CSMD1: variants seen among roughly 807,000 people sequenced by gnomAD.
CSMD1 encodes the protein CUB and Sushi multiple domains 1.
Under a neutral mutation model 417.5 loss-of-function variants are expected in CSMD1, and 213 were observed. The ratio of observed to expected loss-of-function variants is 0.51; its 90% CI spans 0.46 to 0.57. The LOEUF is 0.57. Ranked by LOEUF, CSMD1 falls within the 20% of genes least tolerant of loss-of-function variation. The probability of loss-of-function intolerance (pLI) is 0.00; values close to 1 mark genes in which losing one functional copy is unlikely to be tolerated. For missense variants in CSMD1, 6,923 were observed against 4,529.7 expected, an observed-to-expected ratio of 1.53 and a Z score of -15.17; for synonymous variants, 2,862 against 1,736.8, an observed-to-expected ratio of 1.65 and a Z score of -16.11.
intron 3 of CSMD1, among the ~76,000 whole-genome samples, chr8:4,159,643 C>T (rs543118886): frequency 3.6e-4 from 55 of 152,274 alleles, no homozygotes; most frequent in Admixed American, 9.2e-4. Flanking sequence ...GGCTGGAGCA[C>T]AGTGGCGCGA....
intron 18 of CSMD1, among the ~76,000 whole-genome samples, chr8:3,384,821 TTAAA>T (rs1240019241): frequency 4.1e-5 from 5 of 122,368 alleles, no homozygotes; most frequent in East Asian, 2.3e-4. Context: ...AAATATATAA[TTAAA>T]TAAAATAGTA....
intron 2 of CSMD1, among the ~76,000 whole-genome samples, chr8:4,522,785 G>C (rs1203774435): frequency 6.6e-6 from 1 of 152,146 alleles, no homozygotes; most frequent in Non-Finnish European, 1.5e-5. Context: ...TGGTAGCAGT[G>C]ATGTGGCAAG....
chr8:4,750,755 A>G (rs115474244), intron 1 of CSMD1, among the ~76,000 whole-genome samples: 1,418 of 140,530 alleles, frequency 0.01, 30 homozygotes, highest in African/African-American at 0.036. Context: ...CTTCCCAAGG[A>G]AAAAAAAAAA....
intron 10 of CSMD1, among the ~76,000 whole-genome samples, chr8:3,563,641 A>G (rs1432315480): frequency 1.3e-5 from 2 of 152,154 alleles, no homozygotes; most frequent in Non-Finnish European, 1.5e-5. Flanking sequence ...TTGTAATCCC[A>G]GCACTTTGGG....
intron 23 of CSMD1, among the ~76,000 whole-genome samples, chr8:3,315,460 G>GTGTGTT (rs370216684): frequency 0.019 from 2,869 of 151,588 alleles, 31 homozygotes; most frequent in Non-Finnish European, 0.03. Context: ...GTGTGTGTGT[G>GTGTGTT]TGATTTTTAA....
At chr8:2,966,791 G>T in intron 57 of CSMD1, 45 bp from the exon 58 acceptor site, 2 of 1,585,110 alleles carry the variant, frequency 1.3e-6, no homozygotes, top group African/African-American at 1.3e-5. Context: ...GAGTGACCCA[G>T]CATGAAAATG....
At chr8:3,556,415 T>TATACATACATA (rs1799148435) in intron 10 of CSMD1, among the ~76,000 whole-genome samples, 2 of 57,102 alleles carry the variant, frequency 3.5e-5, no homozygotes, top group African/African-American at 1.2e-4. Flanking sequence ...ATATATATAT[T>TATACATACATA]CACACACACA....
chr8:3,087,378 C>A, intron 48 of CSMD1, 93 bp from the exon 49 acceptor site: 1 of 1,294,832 alleles, frequency 7.7e-7, no homozygotes, highest in Non-Finnish European at 1.1e-6. Context: ...TGAATGGCTT[C>A]TCATTTCCAA....
chr8:3,119,397 A>AC (rs1265128555), intron 41 of CSMD1, among the ~76,000 whole-genome samples: 5 of 141,680 alleles, frequency 3.5e-5, no homozygotes, highest in South Asian at 5.5e-4. Context: ...AAAAAAAAAA[A>AC]AAAAAAAAAA....
At chr8:4,123,130 G>A (rs1397485632) in intron 3 of CSMD1, among the ~76,000 whole-genome samples, 1 of 152,182 alleles carries the variant, frequency 6.6e-6, no homozygotes, top group Non-Finnish European at 1.5e-5. Context: ...CACAAAATAG[G>A]AAGATGAAGA....
intron 2 of CSMD1, among the ~76,000 whole-genome samples, chr8:4,469,721 C>A (rs1154073): frequency 1.3e-5 from 2 of 152,072 alleles, no homozygotes; most frequent in Non-Finnish European, 2.9e-5. Context: ...TTGCCCTTGT[C>A]CCTCTACATC....
At position 2,978,601 on chromosome 8, in the gene CSMD1, C is replaced by G. The variant is rs771816168; in HGVS notation, c.8566+11G>C. On this transcript the variant is annotated intron_variant, in intron 55 of 69. Coordinates refer to ENST00000635120, the MANE Select transcript of CSMD1 (RefSeq NM_033225.6). ...GTCTCTGCACAGAAATTGGGAATAA[C>G]CCTGACTTACCCAAACACTTGGGCA... is the stretch of plus-strand genomic sequence containing the variant. The G allele has an allele frequency of 6.4e-7, 1 of 1,570,926 alleles. No homozygotes were observed. The highest frequency in any genetic ancestry group is 8.6e-7 in the Non-Finnish European group (1 of 1,157,720).
At chr8:4,959,509 A>G (rs944542461) in intron 1 of CSMD1, among the ~76,000 whole-genome samples, 44 of 152,234 alleles carry the variant, frequency 2.9e-4, no homozygotes, top group Non-Finnish European at 2.2e-4. Context: ...AAACGTATCC[A>G]GAATCCAACA....
At chr8:3,429,556 C>T (rs765883638) in intron 12 of CSMD1, among the ~76,000 whole-genome samples, 5 of 152,134 alleles carry the variant, frequency 3.3e-5, no homozygotes, top group Non-Finnish European at 5.9e-5. Context: ...CAATATCTTT[C>T]ACTATGAGGT....
intron 3 of CSMD1, among the ~76,000 whole-genome samples, chr8:4,416,122 G>T (rs1410140874): frequency 1.3e-5 from 2 of 152,138 alleles, no homozygotes. Context: ...CTGTACAATT[G>T]CCTTACACTA....
chr8:3,916,300 C>A (rs546624220), intron 5 of CSMD1, among the ~76,000 whole-genome samples: 13 of 152,192 alleles, frequency 8.5e-5, no homozygotes, highest in African/African-American at 2.6e-4. Context: ...TATAAAATCA[C>A]CTGGTTCTCA....
chr8:4,644,007 G>C (rs762145790), intron 1 of CSMD1, among the ~76,000 whole-genome samples: 2 of 152,108 alleles, frequency 1.3e-5, no homozygotes, highest in Non-Finnish European at 2.9e-5. Context: ...AACACTTATG[G>C]GAGATTACTC....
At chr8:3,140,647 G>C (rs1818381912) in intron 41 of CSMD1, among the ~76,000 whole-genome samples, 1 of 151,460 alleles carries the variant, frequency 6.6e-6, no homozygotes, top group Admixed American at 6.6e-5. Context: ...TAAAATACTA[G>C]CCTCTTTCAG....
chr8:3,080,026 A>T (rs67867654), intron 49 of CSMD1, among the ~76,000 whole-genome samples: 20,620 of 152,218 alleles, frequency 0.14, 1,633 homozygotes, highest in Non-Finnish European at 0.18. Context: ...AATTTGTGAG[A>T]AAGACTGTTT....
Sources: allele counts gnomAD v4.1 joint callset (sites outside exome capture counted in the v4.1 genomes callset), GRCh38; gene constraint gnomAD v4.1.1; transcripts MANE v1.5; gene names NCBI Gene and HGNC (gene_info 2026-07-23, HGNC 2026-07-21).